The following NUP93 variants were observed in gnomAD, a reference collection of about 807,000 sequenced individuals.
The protein encoded by NUP93 is nuclear pore complex protein Nup93.
NUP93 carries 55 observed loss-of-function variants against 107.8 expected under a neutral mutation model. The ratio of observed to expected loss-of-function variants is 0.51; its 90% CI spans 0.41 to 0.64. The LOEUF (loss-of-function observed/expected upper bound fraction) is 0.64. Among genes scored for constraint, NUP93 ranks in the 30% least tolerant of loss-of-function variants. The pLI is 0.00. For synonymous variants in NUP93, 390 were observed against 397.5 expected, an observed-to-expected ratio of 0.98 and a Z score of 0.22; for missense variants, 937 against 1,044.7, an observed-to-expected ratio of 0.90 and a Z score of 1.42.
chr16:56,772,004 C>T (rs1450134314), intron 3 of NUP93, among the ~76,000 whole-genome samples: 5 of 152,096 alleles, frequency 3.3e-5, no homozygotes, highest in African/African-American at 1.2e-4. Flanking sequence ...GTTCCCTTCC[C>T]TTTCATTCTT....
intron 5 of NUP93, among the ~76,000 whole-genome samples, chr16:56,809,475 G>GC (rs1483439874): frequency 6.6e-6 from 1 of 152,110 alleles, no homozygotes; most frequent in African/African-American, 2.4e-5. Context: ...AAATTATGGT[G>GC]CTAGGTGTTT....
At chr16:56,746,282 C>T (rs1347381254) in intron 1 of NUP93, among the ~76,000 whole-genome samples, 1 of 152,130 alleles carries the variant, frequency 6.6e-6, no homozygotes, top group Non-Finnish European at 1.5e-5. Flanking sequence ...TGAGAAAACA[C>T]ATTTCTCTAT....
chr16:56,791,521 G>A (rs1962762419), intron 3 of NUP93, among the ~76,000 whole-genome samples: 1 of 152,152 alleles, frequency 6.6e-6, no homozygotes, highest in Non-Finnish European at 1.5e-5. Context: ...TTGGCCATTT[G>A]GCGAAAACAA....
chr16:56,801,765 G>A (rs1963025811), intron 4 of NUP93, among the ~76,000 whole-genome samples: 1 of 152,184 alleles, frequency 6.6e-6, no homozygotes, highest in African/African-American at 2.4e-5. Flanking sequence ...TGAGTAGCCT[G>A]GCATACTTTC....
At chr16:56,815,881 C>CTGCTGCTGCTGCTGCTGCTGCTGCTGG (rs1567402569) in intron 5 of NUP93, among the ~76,000 whole-genome samples, 9 of 103,896 alleles carry the variant, frequency 8.7e-5, no homozygotes, top group Non-Finnish European at 1.8e-4. Context: ...GCTGCTGCTG[C>CTGCTGCTGCTGCTGCTGCTGCTGCTGG]TGCTGCTGCT....
At chr16:56,844,173 G>A (rs1328523597) in intron 21 of NUP93, among the ~76,000 whole-genome samples, 1 of 152,200 alleles carries the variant, frequency 6.6e-6, no homozygotes, top group East Asian at 1.9e-4. Context: ...GGAGCAGGCA[G>A]TTCTGAAGCT....
chr16:56,786,148 CTTTT>C (rs1466952946), intron 3 of NUP93, among the ~76,000 whole-genome samples: 2 of 151,902 alleles, frequency 1.3e-5, no homozygotes, highest in African/African-American at 2.4e-5. Context: ...TATTTTCTTT[CTTTT>C]GTGGTTCAAG....
intron 5 of NUP93, among the ~76,000 whole-genome samples, chr16:56,806,321 C>G (rs1415333910): frequency 6.6e-6 from 1 of 151,926 alleles, no homozygotes; most frequent in Non-Finnish European, 1.5e-5. Context: ...ACCCAGAATC[C>G]AACCACTTCT....
Position 56,805,367 on chromosome 16 carries a change from A to G in NUP93, c.361-137A>G, listed in dbSNP as rs1209965839. Reference sequence around the variant, plus strand: ...TCAGCCAGTAAATTCTTCAAAGATAATTTTTAAAGTAGATTGCTTTTTCTC... The same window carrying G: ...TCAGCCAGTAAATTCTTCAAAGATAGTTTTTAAAGTAGATTGCTTTTTCTC... On this transcript the variant is annotated intron_variant, in intron 4 of 21. Coordinates refer to ENST00000308159, the MANE Select transcript of NUP93 (RefSeq NM_014669.5). 5.5e-6 allele frequency: 5 copies of G among 911,472 alleles called. No homozygotes were observed. The Admixed American group carries it at 8.6e-5, about 16-fold the overall frequency. The allele number at this position is 911,472 out of a possible 1,614,324, so 56.5% of individuals were successfully genotyped here.
In NUP93 at chr16:56,849,912, A is replaced by C. The variant is rs1439967846; in HGVS notation, c.*5303A>C. Reference sequence around the variant, plus strand: ...GCTAGGCAGGCAGCTGAGCGGGATAATGTGGGCCCCAGTTGACCTCAGTGG... The same window carrying C: ...GCTAGGCAGGCAGCTGAGCGGGATACTGTGGGCCCCAGTTGACCTCAGTGG... On this transcript the variant is annotated 3_prime_UTR_variant, in exon 22 of 22. Transcript: ENST00000308159. The C allele has an allele frequency of 2.6e-5, 4 of 152,204 alleles. No homozygotes were observed. In the East Asian group the frequency reaches 7.7e-4, roughly 29 times the overall value. The allele number at this position is 152,204 out of a possible 1,614,324, so 9.4% of individuals were successfully genotyped here.
In NUP93 at chr16:56,786,535, A is replaced by T. The variant is rs1274830488; in HGVS notation, c.298-11941A>T. ...TGCCTTAGCAACCTAACTCACAGAGATGTTCATTTTCAGCTGTGCCAGAAA... is the reference window on the plus strand; with the variant it reads ...TGCCTTAGCAACCTAACTCACAGAGTTGTTCATTTTCAGCTGTGCCAGAAA... On this transcript the variant is annotated intron_variant, in intron 3 of 21. Coordinates refer to ENST00000308159, the MANE Select transcript of NUP93 (RefSeq NM_014669.5). Among the ~76,000 whole-genome samples, 10 of 152,322 alleles carry T rather than the reference A, an allele frequency of 6.6e-5. No homozygotes were observed. In the South Asian group the frequency reaches 2.1e-3, roughly 32 times the overall value.
intron 1 of NUP93, among the ~76,000 whole-genome samples, chr16:56,745,411 A>G (rs1484991157): frequency 6.6e-6 from 1 of 152,106 alleles, no homozygotes; most frequent in Non-Finnish European, 1.5e-5. Flanking sequence ...AGCAGGAGGG[A>G]TGTGATCTGA....
At chr16:56,769,361 T>C (rs531719788) in intron 3 of NUP93, among the ~76,000 whole-genome samples, 54 of 152,286 alleles carry the variant, frequency 3.5e-4, no homozygotes, top group Middle Eastern at 3.4e-3. Flanking sequence ...AAAATAACGT[T>C]GATTGAGGGA....
At chr16:56,835,734 A>G (rs1567412242) in intron 16 of NUP93, among the ~76,000 whole-genome samples, 1 of 152,194 alleles carries the variant, frequency 6.6e-6, no homozygotes, top group Non-Finnish European at 1.5e-5. Context: ...CAGAGATGTT[A>G]TGCACTTGCC....
At chr16:56,761,155 A>G (rs1279227672) in intron 3 of NUP93, among the ~76,000 whole-genome samples, 32 of 152,238 alleles carry the variant, frequency 2.1e-4, no homozygotes. Flanking sequence ...CTTGCCAGCA[A>G]AGGCTTAAAG....
chr16:56,792,809 G>A (rs1436746036), intron 3 of NUP93, among the ~76,000 whole-genome samples: 1 of 152,140 alleles, frequency 6.6e-6, no homozygotes, highest in African/African-American at 2.4e-5. Flanking sequence ...CTCCTCCTGG[G>A]TTCCATCCTT....
At chr16:56,765,780 AT>A (rs1251437078) in intron 3 of NUP93, among the ~76,000 whole-genome samples, 22 of 152,360 alleles carry the variant, frequency 1.4e-4, no homozygotes, top group African/African-American at 4.6e-4. Context: ...ACAAAAAAAA[AT>A]ATAATGTCTT....
At chr16:56,803,096 A>G (rs2144567505) in intron 4 of NUP93, among the ~76,000 whole-genome samples, 1 of 152,006 alleles carries the variant, frequency 6.6e-6, no homozygotes, top group Middle Eastern at 3.4e-3. Flanking sequence ...GTTTAATCCC[A>G]GAGGGCTCTT....
At chr16:56,844,413 CATGGAATAGAGGATGGAAGAAT>C in intron 21 of NUP93, 64 bp from the exon 22 acceptor site, 1 of 736,140 alleles carries the variant, frequency 1.4e-6, no homozygotes, top group Non-Finnish European at 2.0e-6. Flanking sequence ...GATGGAAGAA[CATGGAATAGAGGATGGAAGAAT>C]ATGGAATAGT....
Sources: gnomAD v4.1 joint callset for allele counts (sites outside exome capture counted in the v4.1 genomes callset) on GRCh38, gnomAD v4.1.1 for gene constraint, MANE v1.5 for transcripts, NCBI Gene and HGNC (gene_info 2026-07-23, HGNC 2026-07-21) for gene names.